NELL1: variants seen among roughly 807,000 people sequenced by gnomAD.
NELL1 encodes the protein protein kinase C-binding protein NELL1.
Under a neutral mutation model 107.4 loss-of-function variants are expected in NELL1, and 76 were observed. That is an observed-to-expected ratio of 0.71 (90% CI 0.59 to 0.86). The LOEUF is 0.86. Ranked by LOEUF, NELL1 falls within the 40% of genes least tolerant of loss-of-function variation. The pLI is 0.00. For missense variants in NELL1, 1,024 were observed against 1,005.5 expected (o/e 1.02, Z -0.25); for synonymous variants, 353 against 341.2 (o/e 1.03, Z -0.38).
chr11:20,715,060 G>A (rs1313084242), intron 2 of NELL1, among the ~76,000 whole-genome samples: 3 of 151,938 alleles, frequency 2.0e-5, no homozygotes, highest in Admixed American at 1.3e-4. Flanking sequence ...TGGCTAACAT[G>A]GTGAAACCCC....
chr11:21,215,045 T>C (rs1318569780), intron 13 of NELL1, among the ~76,000 whole-genome samples: 1 of 152,142 alleles, frequency 6.6e-6, no homozygotes, highest in Non-Finnish European at 1.5e-5. Context: ...TTTGGCTGTG[T>C]CCCCACCCAA....
intron 3 of NELL1, among the ~76,000 whole-genome samples, chr11:20,806,065 GTACT>G (rs1324049453): frequency 1.3e-5 from 2 of 148,794 alleles, no homozygotes; most frequent in African/African-American, 2.5e-5. Context: ...GTTTTTTTGT[GTACT>G]TACTAATACC....
chr11:21,485,263 G>C lies in NELL1; in HGVS notation c.1646-49111G>C, dbSNP rs112331138. ...CCTCAAAGACTACCAAGGAGAAAGA[G>C]GGGAAGCCAGGCACTTTCATCCACC... On this transcript the variant is annotated intron_variant, in intron 15 of 19. Transcript: ENST00000357134. 1.7e-3 allele frequency among the ~76,000 whole-genome samples: 261 copies of C among 152,224 alleles called. 1 individual carries two copies. Among genetic ancestry groups the C allele is most frequent in the African/African-American group, 5.8e-3 (240 of 41,524 alleles).
At chr11:20,786,822 C>A (rs975913942) in intron 3 of NELL1, among the ~76,000 whole-genome samples, 10 of 151,702 alleles carry the variant, frequency 6.6e-5, no homozygotes, top group East Asian at 1.9e-4. Context: ...TCCTGGCTAA[C>A]ACGGTGAAAC....
chr11:20,859,860 T>C (rs1438615606), intron 4 of NELL1, among the ~76,000 whole-genome samples: 1 of 152,162 alleles, frequency 6.6e-6, no homozygotes, highest in East Asian at 1.9e-4. Context: ...CAATTTTTCA[T>C]GGACATTAGG....
At chr11:20,894,954 C>T (rs908757834) in intron 5 of NELL1, among the ~76,000 whole-genome samples, 8 of 151,790 alleles carry the variant, frequency 5.3e-5, no homozygotes, top group Non-Finnish European at 7.4e-5. Context: ...GTATAGTCAA[C>T]CTACTCTGCT....
At chr11:21,454,943 T>G (rs1384081998) in intron 15 of NELL1, among the ~76,000 whole-genome samples, 3 of 152,238 alleles carry the variant, frequency 2.0e-5, no homozygotes, top group Admixed American at 6.5e-5. Context: ...ACACAGATAT[T>G]TAGTCCATAA....
At chr11:20,738,553 T>C (rs1400222163) in intron 2 of NELL1, among the ~76,000 whole-genome samples, 1 of 152,206 alleles carries the variant, frequency 6.6e-6, no homozygotes, top group Non-Finnish European at 1.5e-5. Context: ...TTTGATGTTT[T>C]CAAAAAGACT....
chr11:20,751,783 G>A (rs1008090534), intron 2 of NELL1, among the ~76,000 whole-genome samples: 2 of 152,178 alleles, frequency 1.3e-5, no homozygotes, highest in African/African-American at 4.8e-5. Context: ...AATCACCATG[G>A]CCAGCTTTTT....
At chr11:21,521,031 G>C (rs1319873328) in intron 15 of NELL1, among the ~76,000 whole-genome samples, 2 of 152,172 alleles carry the variant, frequency 1.3e-5, no homozygotes, top group African/African-American at 4.8e-5. Context: ...CTGGGGGTAG[G>C]ACCAGATGTA....
intron 15 of NELL1, among the ~76,000 whole-genome samples, chr11:21,403,725 A>G (rs1852154567): frequency 6.7e-6 from 1 of 149,626 alleles, no homozygotes; most frequent in African/African-American, 2.5e-5. Context: ...CTTTGATGGA[A>G]AGTCAAGAAT....
At chr11:20,965,858 G>C (rs994089546) in intron 12 of NELL1, among the ~76,000 whole-genome samples, 1 of 152,138 alleles carries the variant, frequency 6.6e-6, no homozygotes, top group Non-Finnish European at 1.5e-5. Flanking sequence ...ACTAGACATG[G>C]AGACTAATGT....
intron 11 of NELL1, among the ~76,000 whole-genome samples, chr11:20,955,113 A>T (rs11025833): frequency 0.063 from 9,557 of 152,284 alleles, 411 homozygotes; most frequent in East Asian, 0.21. Context: ...TGGAAGAGAG[A>T]CACGTGATGC....
chr11:21,027,767 T>G (rs965374581), intron 12 of NELL1, among the ~76,000 whole-genome samples: 1 of 152,182 alleles, frequency 6.6e-6, no homozygotes, highest in Non-Finnish European at 1.5e-5. Flanking sequence ...TGTTTTGATT[T>G]TTAGCAAAAT....
chr11:21,020,895 A>G (rs541060310), intron 12 of NELL1, among the ~76,000 whole-genome samples: 11 of 151,798 alleles, frequency 7.2e-5, no homozygotes, highest in Non-Finnish European at 1.3e-4. Flanking sequence ...TGGACATTGT[A>G]TTGTACCAAA....
intron 16 of NELL1, among the ~76,000 whole-genome samples, chr11:21,539,953 T>C (rs1051920039): frequency 6.6e-6 from 1 of 151,956 alleles, no homozygotes; most frequent in Non-Finnish European, 1.5e-5. Flanking sequence ...AAAATGCCTG[T>C]GACGGGACAT....
intron 2 of NELL1, among the ~76,000 whole-genome samples, chr11:20,702,063 T>C (rs996841310): frequency 6.6e-6 from 1 of 152,168 alleles, no homozygotes; most frequent in Non-Finnish European, 1.5e-5. Context: ...ATTGGTAGCT[T>C]GATGGGGATG....
At chr11:21,336,674 T>TATACACAC (rs55720144) in intron 14 of NELL1, among the ~76,000 whole-genome samples, 1,618 of 130,390 alleles carry the variant, frequency 0.012, 17 homozygotes, top group African/African-American at 0.017. Flanking sequence ...TATATATATA[T>TATACACAC]ACACACACAC....
At chr11:20,904,680 C>G (rs1191725735) in intron 5 of NELL1, among the ~76,000 whole-genome samples, 1 of 152,064 alleles carries the variant, frequency 6.6e-6, no homozygotes, top group East Asian at 1.9e-4. Context: ...TCCCTAGGAT[C>G]AGTGTAAGCC....
Sources: gnomAD v4.1 joint callset for allele counts (sites outside exome capture counted in the v4.1 genomes callset) on GRCh38, gnomAD v4.1.1 for gene constraint, MANE v1.5 for transcripts, NCBI Gene and HGNC (gene_info 2026-07-23, HGNC 2026-07-21) for gene names.